ADK: variants seen among roughly 807,000 people sequenced by gnomAD.
ADK encodes adenosine kinase.
A neutral mutation model predicts 44.7 loss-of-function variants in ADK; 24 were observed. That is an observed-to-expected ratio of 0.54 (90% CI 0.39 to 0.76). ADK has a LOEUF of 0.76. Ranked by LOEUF, ADK falls within the 30% of genes least tolerant of loss-of-function variation. ADK has a pLI of 0.00. For missense variants in ADK, 321 were observed against 425.1 expected (o/e 0.76, Z 2.15); for synonymous variants, 128 against 142.6 (o/e 0.90, Z 0.73).
intron 10 of ADK, among the ~76,000 whole-genome samples, chr10:74,677,397 T>G (rs1463604344): frequency 6.6e-6 from 1 of 152,258 alleles, no homozygotes; most frequent in Non-Finnish European, 1.5e-5. Flanking sequence ...GAAGACTCTC[T>G]AATTATCTTC....
intron 3 of ADK, among the ~76,000 whole-genome samples, chr10:74,267,947 C>T (rs1342856309): frequency 6.6e-6 from 1 of 151,854 alleles, no homozygotes; most frequent in African/African-American, 2.4e-5. Flanking sequence ...GGGATGATTC[C>T]CCAAAGAAAA....
chr10:74,198,167 G>A (rs1843233831), intron 1 of ADK, among the ~76,000 whole-genome samples: 2 of 152,018 alleles, frequency 1.3e-5, no homozygotes, highest in Admixed American at 6.6e-5. Flanking sequence ...GTTTGAATAA[G>A]AATATATAAA....
At chr10:74,437,601 A>G (rs984613157) in intron 6 of ADK, among the ~76,000 whole-genome samples, 1 of 152,158 alleles carries the variant, frequency 6.6e-6, no homozygotes, top group Admixed American at 6.5e-5. Context: ...TTACCATTCT[A>G]TTACAGACCA....
At chr10:74,211,168 A>G (rs1843797208) in intron 2 of ADK, among the ~76,000 whole-genome samples, 1 of 152,196 alleles carries the variant, frequency 6.6e-6, no homozygotes, top group South Asian at 2.1e-4. Flanking sequence ...TACAGGTGTG[A>G]GCTACCGTGC....
intron 6 of ADK, among the ~76,000 whole-genome samples, chr10:74,422,836 G>T (rs1844609970): frequency 6.6e-6 from 1 of 152,208 alleles, no homozygotes; most frequent in Non-Finnish European, 1.5e-5. Context: ...GGGTGACTGA[G>T]GGTGGAGGAG....
At position 74,356,014 on chromosome 10, in the gene ADK, T is replaced by G. The variant is rs1306529347; in HGVS notation, c.274-38127T>G. ...CACTAAATAATTCATTTTTTTTTTT[T>G]TTTTTTTTTTTTTTTGAGACGGAGT... On this transcript the variant is annotated intron_variant, in intron 4 of 10. Transcript: ENST00000539909. Among the ~76,000 whole-genome samples the G allele has an allele frequency of 5.7e-4, 73 of 128,220 alleles. 1 individual carries two copies. The highest frequency in any genetic ancestry group is 1.8e-3 in the African/African-American group (62 of 34,182). The allele number at this position is 128,220 out of a possible 152,430, so 84.1% of individuals were successfully genotyped here.
chr10:74,648,963 C>T (rs1263595499), intron 9 of ADK, among the ~76,000 whole-genome samples: 8 of 151,978 alleles, frequency 5.3e-5, no homozygotes, highest in Middle Eastern at 3.4e-3. Context: ...AGGCGGATTA[C>T]GACGTCAGGA....
At chr10:74,296,719 C>A (rs1369997981) in intron 3 of ADK, among the ~76,000 whole-genome samples, 3 of 151,502 alleles carry the variant, frequency 2.0e-5, no homozygotes, top group African/African-American at 7.3e-5. Flanking sequence ...TCACACCATT[C>A]GCCTGCCTCA....
chr10:74,622,466 G>A (rs759946422), intron 9 of ADK, among the ~76,000 whole-genome samples: 20 of 151,940 alleles, frequency 1.3e-4, no homozygotes, highest in Non-Finnish European at 2.6e-4. Flanking sequence ...TTTATGGTCT[G>A]GGAATTGGTT....
At chr10:74,397,003 T>A (rs920675634) in intron 5 of ADK, among the ~76,000 whole-genome samples, 3 of 151,890 alleles carry the variant, frequency 2.0e-5, no homozygotes, top group African/African-American at 7.3e-5. Context: ...TTGGAGAAAC[T>A]GTAGTTTCCC....
At chr10:74,351,689 C>T (rs927707190) in intron 4 of ADK, among the ~76,000 whole-genome samples, 7 of 152,262 alleles carry the variant, frequency 4.6e-5, no homozygotes, top group African/African-American at 7.2e-5. Flanking sequence ...AGCCCAAAAC[C>T]TCCTTAAGCT....
intron 2 of ADK, among the ~76,000 whole-genome samples, chr10:74,206,335 G>T (rs1214405383): frequency 6.6e-6 from 1 of 152,176 alleles, no homozygotes; most frequent in Non-Finnish European, 1.5e-5. Flanking sequence ...GAAATGTTTT[G>T]TATTGTTTTG....
At chr10:74,296,824 C>A (rs11000968) in intron 3 of ADK, among the ~76,000 whole-genome samples, 2 of 151,744 alleles carry the variant, frequency 1.3e-5, no homozygotes, top group Non-Finnish European at 2.9e-5. Flanking sequence ...CCGTGTTAGC[C>A]AGGATGGTCT....
chr10:74,583,984 C>T (rs1017778988), intron 7 of ADK, among the ~76,000 whole-genome samples: 3 of 152,110 alleles, frequency 2.0e-5, no homozygotes, highest in African/African-American at 7.2e-5. Flanking sequence ...TCTCCTAGAG[C>T]GAGGGCTCAG....
chr10:74,651,949 A>G (rs1179484290), intron 9 of ADK, among the ~76,000 whole-genome samples: 1 of 152,160 alleles, frequency 6.6e-6, no homozygotes, highest in East Asian at 1.9e-4. Flanking sequence ...AACAGGCACT[A>G]TTAATTTACA....
intron 10 of ADK, among the ~76,000 whole-genome samples, chr10:74,694,630 C>T (rs1340507660): frequency 6.6e-6 from 1 of 151,840 alleles, no homozygotes; most frequent in Non-Finnish European, 1.5e-5. Context: ...TAAAGGTTTA[C>T]ACCACCATGC....
At chr10:74,595,371 C>CTTTTTTTTTTTTTTTTTTTT (rs1223426277) in intron 8 of ADK, among the ~76,000 whole-genome samples, 1 of 91,664 alleles carries the variant, frequency 1.1e-5, no homozygotes, top group Non-Finnish European at 2.1e-5. Context: ...TGAAAAATAC[C>CTTTTTTTTTTTTTTTTTTTT]TTTTTTTTTT....
intron 10 of ADK, among the ~76,000 whole-genome samples, chr10:74,707,180 C>T (rs10762641): frequency 0.1 from 15,564 of 152,060 alleles, 1,305 homozygotes; most frequent in African/African-American, 0.22. Flanking sequence ...GGTCTACAGG[C>T]ATGCACCAAC....
intron 3 of ADK, among the ~76,000 whole-genome samples, chr10:74,235,128 C>CTT (rs35193175): frequency 0.011 from 1,366 of 130,072 alleles, 25 homozygotes; most frequent in African/African-American, 0.03. Context: ...GAAATTATCC[C>CTT]TTTTTTTTTT....
Sources: allele counts gnomAD v4.1 joint callset (sites outside exome capture counted in the v4.1 genomes callset), GRCh38; gene constraint gnomAD v4.1.1; transcripts MANE v1.5; gene names NCBI Gene and HGNC (gene_info 2026-07-23, HGNC 2026-07-21).